Variants in AKT3 observed in about 807,000 individuals in gnomAD.
AKT3 encodes the protein AKT serine/threonine kinase 3, also known as RAC-gamma serine/threonine-protein kinase.
A neutral mutation model predicts 65.3 loss-of-function variants in AKT3; 15 were observed. The ratio of observed to expected loss-of-function variants is 0.23; its 90% CI spans 0.15 to 0.35. The LOEUF is 0.35. Ranked by LOEUF, AKT3 falls within the 10% of genes least tolerant of loss-of-function variation. The pLI, the probability that AKT3 is intolerant of heterozygous loss-of-function variation, is 1.00. For missense variants in AKT3, 243 were observed against 576.5 expected, an observed-to-expected ratio of 0.42 and a Z score of 5.92; for synonymous variants, 206 against 183.8, an observed-to-expected ratio of 1.12 and a Z score of -0.98.
At chr1:243,743,825 C>G (rs1688315327) in intron 2 of AKT3, among the ~76,000 whole-genome samples, 1 of 152,092 alleles carries the variant, frequency 6.6e-6, no homozygotes, top group Admixed American at 6.5e-5. Flanking sequence ...GCCTCAGCAA[C>G]CATAGGAAGA....
Position 243,512,340 on chromosome 1 carries a change from T to C in AKT3, c.1338A>G (p.Ile446Met). 6.6e-7 allele frequency: 1 copy of C among 1,524,990 alleles called. No individual in the cohort carries two copies. Among genetic ancestry groups the C allele is most frequent in the Admixed American group, 2.0e-5 (1 of 49,588 alleles). The allele number at this position is 1,524,990 out of a possible 1,614,324, so 94.5% of individuals were successfully genotyped here. A position where few individuals can be genotyped will look rare whatever the true frequency, so the allele number is the denominator to read the frequency against. ...DEEFTAQTIT[I>M]TPPEKYDEDG... ...TTTACTTACATTTTTCAGGTGGTGT[T>C]ATTGTAATAGTCTGAGCTGTAAATT... is the stretch of plus-strand genomic sequence containing the variant. The change falls in exon 13 of 14, where the codon ATA (isoleucine) becomes ATG (methionine). Residue 446 changes from isoleucine to methionine, a missense_variant. Coordinates refer to ENST00000673466, the MANE Select transcript of AKT3 (RefSeq NM_005465.7).
intron 12 of AKT3, among the ~76,000 whole-genome samples, chr1:243,515,763 G>A (rs995142224): frequency 6.6e-6 from 1 of 152,158 alleles, no homozygotes; most frequent in Non-Finnish European, 1.5e-5. Context: ...GGCCGAGGCA[G>A]GCAGATCACC....
rs182413472 is a variant in AKT3, at chr1:243,729,977, G to A, written c.47-34261C>T. The stretch of plus-strand genomic sequence containing the variant: ...AGAAATAAAATTGTGATAGTGGCAG[G>A]AGGCAGACAAATTCCTAGGCAGATT... On this transcript the variant is annotated intron_variant, in intron 2 of 13. Coordinates refer to ENST00000673466, the MANE Select transcript of AKT3 (RefSeq NM_005465.7). Among the ~76,000 whole-genome samples, 156 of 152,288 alleles carry A rather than the reference G, an allele frequency of 1.0e-3. 1 individual carries two copies. Among genetic ancestry groups the A allele is most frequent in the Admixed American group, 0.01 (155 of 15,294 alleles).
At chr1:243,746,435 C>T (rs1688477196) in intron 2 of AKT3, among the ~76,000 whole-genome samples, 1 of 152,080 alleles carries the variant, frequency 6.6e-6, no homozygotes, top group Admixed American at 6.6e-5. Context: ...TTGATACAGC[C>T]AGTTAAAGTT....
intron 3 of AKT3, among the ~76,000 whole-genome samples, chr1:243,672,877 G>T (rs190822151): frequency 1.3e-3 from 200 of 152,260 alleles, no homozygotes; most frequent in Middle Eastern, 0.01. Flanking sequence ...GAGTCTTCTG[G>T]AACAACTGTT....
chr1:243,786,815 T>C (rs969834866), intron 2 of AKT3, among the ~76,000 whole-genome samples: 2 of 152,078 alleles, frequency 1.3e-5, no homozygotes, highest in Non-Finnish European at 2.9e-5. Context: ...CCATCCATGT[T>C]TGGGGAGAAG....
intron 2 of AKT3, among the ~76,000 whole-genome samples, chr1:243,799,664 G>A (rs1692260552): frequency 6.6e-6 from 1 of 152,164 alleles, no homozygotes; most frequent in Non-Finnish European, 1.5e-5. Context: ...AAAAGGCTCT[G>A]TAATTTTCCT....
intron 13 of AKT3, among the ~76,000 whole-genome samples, chr1:243,493,583 A>G (rs1458188158): frequency 6.6e-6 from 1 of 151,764 alleles, no homozygotes; most frequent in Non-Finnish European, 1.5e-5. Context: ...CAATCTGGGG[A>G]GTGATTCCCT....
intron 2 of AKT3, among the ~76,000 whole-genome samples, chr1:243,755,000 C>CT (rs535475359): frequency 5.6e-4 from 86 of 152,244 alleles, no homozygotes; most frequent in African/African-American, 2.0e-3. Flanking sequence ...AGCAGAGCAG[C>CT]TTGATATGTA....
intron 12 of AKT3, among the ~76,000 whole-genome samples, chr1:243,514,405 C>T (rs1670209916): frequency 6.6e-6 from 1 of 152,166 alleles, no homozygotes; most frequent in Admixed American, 6.5e-5. Context: ...GTTTCAAATG[C>T]CACGTGTACT....
chr1:243,790,452 T>C (rs1391372618), intron 2 of AKT3, among the ~76,000 whole-genome samples: 1 of 152,198 alleles, frequency 6.6e-6, no homozygotes, highest in East Asian at 1.9e-4. Context: ...CTTCATAGAA[T>C]TAAAGAGAGT....
At chr1:243,526,046 C>G (rs770532853) in intron 12 of AKT3, among the ~76,000 whole-genome samples, 3 of 151,286 alleles carry the variant, frequency 2.0e-5, no homozygotes, top group Admixed American at 6.6e-5. Flanking sequence ...CAGAACTACT[C>G]TGTGTGTGTG....
intron 13 of AKT3, among the ~76,000 whole-genome samples, chr1:243,509,867 G>A (rs930782104): frequency 6.6e-6 from 1 of 152,102 alleles, no homozygotes; most frequent in Admixed American, 6.5e-5. Flanking sequence ...CTTTTCCAGG[G>A]GACAAAGTGA....
intron 9 of AKT3, among the ~76,000 whole-genome samples, chr1:243,566,267 A>T (rs1290928111): frequency 6.6e-6 from 1 of 152,158 alleles, no homozygotes; most frequent in East Asian, 1.9e-4. Flanking sequence ...TGAGCCTCAG[A>T]TCATGGTTGT....
chr1:243,700,469 A>G (rs181821024), intron 2 of AKT3, among the ~76,000 whole-genome samples: 17 of 152,090 alleles, frequency 1.1e-4, no homozygotes, highest in African/African-American at 3.9e-4. Context: ...ACAGCTGAGT[A>G]AAAATACTGC....
chr1:243,720,826 G>A (rs915686144), intron 2 of AKT3, among the ~76,000 whole-genome samples: 6 of 151,908 alleles, frequency 3.9e-5, no homozygotes, highest in Admixed American at 6.6e-5. Flanking sequence ...AAAAGCTCAC[G>A]GTATATACTC....
At chr1:243,613,603 T>C (rs1678062952) in intron 8 of AKT3, 68 bp downstream of exon 8, 1 of 1,251,846 alleles carries the variant, frequency 8.0e-7, no homozygotes, top group African/African-American at 1.5e-5. Flanking sequence ...GTAACTTGTA[T>C]TTTAAGTAAT....
intron 2 of AKT3, among the ~76,000 whole-genome samples, chr1:243,756,209 CTAATTT>C (rs1689127747): frequency 6.6e-6 from 1 of 152,082 alleles, no homozygotes; most frequent in South Asian, 2.1e-4. Context: ...CAATTATTTC[CTAATTT>C]TATTTTTAAT....
At chr1:243,723,354 A>G (rs968459578) in intron 2 of AKT3, among the ~76,000 whole-genome samples, 4 of 152,206 alleles carry the variant, frequency 2.6e-5, no homozygotes, top group Non-Finnish European at 4.4e-5. Context: ...TTCTTTTTCT[A>G]TATGTCCTAG....
Sources: allele counts gnomAD v4.1 joint callset (sites outside exome capture counted in the v4.1 genomes callset), GRCh38; gene constraint gnomAD v4.1.1; transcripts MANE v1.5; gene names NCBI Gene and HGNC (gene_info 2026-07-23, HGNC 2026-07-21).